Variants in ZNF333 observed in about 807,000 individuals in gnomAD.
ZNF333 encodes the protein zinc finger protein 333.
Under a neutral mutation model 76.1 loss-of-function variants are expected in ZNF333, and 61 were observed. The ratio of observed to expected loss-of-function variants is 0.80; its 90% CI spans 0.65 to 0.99. The LOEUF is 0.99. Ranked by LOEUF, ZNF333 falls within the 50% of genes least tolerant of loss-of-function variation. ZNF333 has a pLI of 0.00. For missense variants in ZNF333, 717 were observed against 822.4 expected (o/e 0.87, Z 1.57); for synonymous variants, 284 against 305.0 (o/e 0.93, Z 0.72).
intron 11 of ZNF333, among the ~76,000 whole-genome samples, chr19:14,729,521 G>A (rs2042654727): frequency 6.6e-6 from 1 of 151,964 alleles, no homozygotes; most frequent in Admixed American, 6.6e-5. Flanking sequence ...ACCATGCCTG[G>A]CTAATATTTT....
chr19:14,718,936 G>C lies in ZNF333; in HGVS notation c.1609G>C (p.Ala537Pro). The C allele has an allele frequency of 6.2e-7, 1 of 1,613,402 alleles. No individual in the cohort carries two copies. Among genetic ancestry groups the C allele is most frequent in the Non-Finnish European group, 8.5e-7 (1 of 1,179,840 alleles). ...CACAGGGGAGAAACTGTATGAGTGC[G>C]CGACTTGCGGTCAGGTCTTGAGTCG... Reference protein sequence around the residue: ...IHTGEKLYECATCGQVLSRLS... With the variant: ...IHTGEKLYECPTCGQVLSRLS... Residue 537 changes from alanine to proline, a missense_variant, in exon 12 of 12, where the codon GCG becomes CCG. Transcript: ENST00000292530.
At chr19:14,716,894 C>A in intron 9 of ZNF333, 100 bp from the exon 10 acceptor site, 1 of 1,059,492 alleles carries the variant, frequency 9.4e-7, no homozygotes, top group Non-Finnish European at 1.4e-6. Flanking sequence ...TGCATTTTGC[C>A]ACTCCCATCT....
In ZNF333 at chr19:14,699,266, C is replaced by T; in HGVS notation, c.291C>T (p.Ser97=). 2 of 1,613,840 alleles carry T rather than the reference C, an allele frequency of 1.2e-6. No individual in the cohort carries two copies. Among genetic ancestry groups the T allele is most frequent in the Non-Finnish European group, 1.7e-6 (2 of 1,179,860 alleles). The change falls in exon 5 of 12, where the codon TCC becomes TCT. Residue 97 remains serine (S), a synonymous_variant. Coordinates refer to ENST00000292530, the MANE Select transcript of ZNF333 (RefSeq NM_032433.4). ...SMQDLLEEAS[S]RDMQMGPGLF... is the part of the protein sequence containing the mutation. Reference sequence around the variant, plus strand: ...AGGATCTTTTGGAAGAAGCATCCTCCAGGGACATGCAAATGGTAAGATGCA... The same window carrying T: ...AGGATCTTTTGGAAGAAGCATCCTCTAGGGACATGCAAATGGTAAGATGCA...
chr19:14,694,169 A>G (rs1045066029), intron 2 of ZNF333, among the ~76,000 whole-genome samples: 2 of 152,070 alleles, frequency 1.3e-5, no homozygotes, highest in African/African-American at 4.8e-5. Context: ...AGAATTCTGC[A>G]ATTAAAAGGA....
chr19:14,719,419 C>A lies in ZNF333; in HGVS notation c.*94C>A. The stretch of plus-strand genomic sequence containing the variant: ...CCTGTGTTTCAATGTATAATATTTT[C>A]ATTTTGGTTTAATTGTAAGTATTGT... On this transcript the variant is annotated 3_prime_UTR_variant, in exon 12 of 12. Coordinates refer to ENST00000292530, the MANE Select transcript of ZNF333 (RefSeq NM_032433.4). 1.5e-6 allele frequency: 2 copies of A among 1,351,082 alleles called. No individual in the cohort carries two copies. The highest frequency in any genetic ancestry group is 1.5e-5 in the South Asian group (1 of 66,468). The allele number at this position is 1,351,082 out of a possible 1,614,324, so 83.7% of individuals were successfully genotyped here. A position where few individuals can be genotyped will look rare whatever the true frequency, so the allele number is the denominator to read the frequency against.
At position 14,718,973 on chromosome 19, in the gene ZNF333, T is replaced by C. The variant is rs1351502293; in HGVS notation, c.1646T>C (p.Leu549Pro). ...CGQVLSRLST[L>P]KSHMRTHTGE... ...CAGGTCTTGAGTCGTCTTTCAACCC[T>C]GAAGAGTCACATGCGAACTCACACT... The change falls in exon 12 of 12, where the codon CTG (leucine) becomes CCG (proline). Residue 549 changes from leucine to proline, a missense_variant. Leu to Pro is a moderately conservative substitution (Grantham distance 98). Transcript: ENST00000292530. The C allele has an allele frequency of 6.2e-7, 1 of 1,613,956 alleles. No homozygotes were observed. The highest frequency in any genetic ancestry group is 1.7e-5 in the Admixed American group (1 of 59,994).
chr19:14,713,108 A>T (rs2042324754), intron 7 of ZNF333, among the ~76,000 whole-genome samples: 1 of 152,200 alleles, frequency 6.6e-6, no homozygotes, highest in African/African-American at 2.4e-5. Flanking sequence ...AGCAGGTATG[A>T]GGGAGACTCA....
chr19:14,712,633 C>T (rs2042311123), intron 7 of ZNF333, among the ~76,000 whole-genome samples: 1 of 152,064 alleles, frequency 6.6e-6, no homozygotes, highest in Non-Finnish European at 1.5e-5. Flanking sequence ...AGGATCCTGC[C>T]ACCTGCTTTC....
At chr19:14,728,473 C>T (rs1013512348) in intron 11 of ZNF333, among the ~76,000 whole-genome samples, 5 of 152,120 alleles carry the variant, frequency 3.3e-5, no homozygotes, top group African/African-American at 7.2e-5. Context: ...GTCATGTTAT[C>T]TTGCTAGGAT....
At chr19:14,701,884 C>T (rs189537750) in intron 5 of ZNF333, 18 of 985,532 alleles carry the variant, frequency 1.8e-5, no homozygotes, top group Middle Eastern at 5.2e-4. Context: ...ACATCCAGCC[C>T]GTGAGTAGTA....
intron 7 of ZNF333, among the ~76,000 whole-genome samples, chr19:14,710,598 C>T (rs536451310): frequency 7.9e-5 from 12 of 152,024 alleles, no homozygotes; most frequent in Non-Finnish European, 1.5e-4. Context: ...GCCAACATGG[C>T]GAAACCCTGT....
chr19:14,715,330 T>C, intron 7 of ZNF333, 52 bp from the exon 8 acceptor site: 1 of 1,553,466 alleles, frequency 6.4e-7, no homozygotes, highest in Admixed American at 1.7e-5. Context: ...GGCCTGTGAG[T>C]GTGCCCAGTA....
At chr19:14,729,290 G>C (rs551096497) in intron 11 of ZNF333, among the ~76,000 whole-genome samples, 7 of 152,126 alleles carry the variant, frequency 4.6e-5, no homozygotes, top group Non-Finnish European at 1.0e-4. Context: ...GAAGACTGTT[G>C]AGCAGCATCC....
At chr19:14,694,599 A>C (rs2146949243) in intron 2 of ZNF333, among the ~76,000 whole-genome samples, 1 of 152,350 alleles carries the variant, frequency 6.6e-6, no homozygotes, top group South Asian at 2.1e-4. Flanking sequence ...TTTCAATCCC[A>C]AATTTGTGAT....
chr19:14,717,341 C>T (rs940279918), intron 10 of ZNF333: 5 of 533,684 alleles, frequency 9.4e-6, no homozygotes, highest in African/African-American at 7.7e-5. Context: ...ATATTTTATC[C>T]ATTTCCTCCC....
At chr19:14,702,133 C>T (rs2041975205) in intron 5 of ZNF333, among the ~76,000 whole-genome samples, 1 of 152,108 alleles carries the variant, frequency 6.6e-6, no homozygotes, top group African/African-American at 2.4e-5. Context: ...TGGCCAGGGA[C>T]AGATTGAGTC....
At chr19:14,699,626 A>C (rs1485162602) in intron 5 of ZNF333, among the ~76,000 whole-genome samples, 1 of 151,814 alleles carries the variant, frequency 6.6e-6, no homozygotes, top group East Asian at 1.9e-4. Flanking sequence ...ACGTCTGGCT[A>C]ATTTTTGTAT....
chr19:14,703,864 TG>T (rs2042034997), intron 5 of ZNF333, among the ~76,000 whole-genome samples: 1 of 152,176 alleles, frequency 6.6e-6, no homozygotes, highest in African/African-American at 2.4e-5. Flanking sequence ...GCAGGCAGTT[TG>T]GCCCTGTGAA....
intron 7 of ZNF333, chr19:14,709,120 C>G (rs929138976): frequency 1.3e-5 from 2 of 154,114 alleles, no homozygotes; most frequent in African/African-American, 4.8e-5. Context: ...TCCTCCTGCT[C>G]CAGCCATGTA....
Sources: gnomAD v4.1 joint callset for allele counts (sites outside exome capture counted in the v4.1 genomes callset) on GRCh38, gnomAD v4.1.1 for gene constraint, MANE v1.5 for transcripts, NCBI Gene and HGNC (gene_info 2026-07-23, HGNC 2026-07-21) for gene names.